KLHL14: variants seen among roughly 807,000 people sequenced by gnomAD.
KLHL14 encodes the protein kelch like family member 14.
KLHL14 carries 22 observed loss-of-function variants against 64.3 expected under a neutral mutation model. The ratio of observed to expected loss-of-function variants is 0.34; its 90% confidence interval spans 0.24 to 0.49. KLHL14 has a LOEUF of 0.49. Ranked by LOEUF, KLHL14 falls within the 20% of genes least tolerant of loss-of-function variation. The probability of loss-of-function intolerance (pLI) is 0.99; values close to 1 mark genes in which losing one functional copy is unlikely to be tolerated. For synonymous variants in KLHL14, 322 were observed against 333.4 expected, an observed-to-expected ratio of 0.97 and a Z score of 0.37; for missense variants, 661 against 789.0, an observed-to-expected ratio of 0.84 and a Z score of 1.94.
chr18:32,752,847 G>C (rs1231700338), intron 2 of KLHL14, among the ~76,000 whole-genome samples: 1 of 144,474 alleles, frequency 6.9e-6, no homozygotes, highest in East Asian at 2.0e-4. Context: ...GCAGTGGCGG[G>C]ATCTCGGCTC....
intron 1 of KLHL14, chr18:32,771,996 G>T (rs868085386): frequency 9.4e-5 from 20 of 211,788 alleles, no homozygotes; most frequent in South Asian, 7.2e-4. Flanking sequence ...AGGGCAGGGT[G>T]GGGGAGGCGA....
chr18:32,715,006 C>T (rs557450142), intron 3 of KLHL14, among the ~76,000 whole-genome samples: 2 of 151,998 alleles, frequency 1.3e-5, no homozygotes, highest in South Asian at 4.2e-4. Flanking sequence ...CTATTTCAAC[C>T]TTTCACAGCA....
At chr18:32,676,497 T>A (rs978754752) in intron 8 of KLHL14, among the ~76,000 whole-genome samples, 2 of 152,212 alleles carry the variant, frequency 1.3e-5, no homozygotes, top group African/African-American at 4.8e-5. Flanking sequence ...TATAAAGGAA[T>A]TATTGTTAAT....
intron 2 of KLHL14, among the ~76,000 whole-genome samples, chr18:32,754,017 C>T (rs1330583195): frequency 6.6e-6 from 1 of 152,222 alleles, no homozygotes; most frequent in Non-Finnish European, 1.5e-5. Flanking sequence ...ATGCAGGGTC[C>T]TGCTGCTCTC....
chr18:32,704,182 A>G (rs886378900), intron 3 of KLHL14, among the ~76,000 whole-genome samples: 2 of 152,216 alleles, frequency 1.3e-5, no homozygotes, highest in Non-Finnish European at 2.9e-5. Context: ...AGTCAGGGCT[A>G]TTTATAAGGT....
intron 3 of KLHL14, among the ~76,000 whole-genome samples, chr18:32,730,747 G>A (rs1298489469): frequency 6.6e-6 from 1 of 152,044 alleles, no homozygotes; most frequent in Non-Finnish European, 1.5e-5. Flanking sequence ...AGTGCTTTGC[G>A]GTTCTCAACA....
At chr18:32,741,032 T>C (rs538918898) in intron 3 of KLHL14, 3 of 152,326 alleles carry the variant, frequency 2.0e-5, no homozygotes, top group South Asian at 2.1e-4. Context: ...TTAAGACACA[T>C]GCAATAAGAA....
chr18:32,734,387 A>C (rs2050152629), intron 3 of KLHL14: 1 of 622,166 alleles, frequency 1.6e-6, no homozygotes, highest in African/African-American at 1.8e-5. Context: ...TCTGTGGAGC[A>C]GATGCCCTCT....
rs201993488 is a variant in KLHL14, at chr18:32,767,937, T to G, written c.947+1708A>C. Reference sequence around the variant, plus strand: ...CAGAACTATAACTGTGTTGTCTGAATTATTGACTATGTGTGATATATGCTA... The same window carrying G: ...CAGAACTATAACTGTGTTGTCTGAAGTATTGACTATGTGTGATATATGCTA... On this transcript the variant is annotated intron_variant, in intron 2 of 8. Coordinates refer to ENST00000359358, the MANE Select transcript of KLHL14 (RefSeq NM_020805.3). Among the ~76,000 whole-genome samples, 14 of 152,366 alleles carry G rather than the reference T, an allele frequency of 9.2e-5. No homozygotes were observed. In the East Asian group the frequency reaches 2.3e-3, roughly 25 times the overall value.
chr18:32,674,773 A>G lies in KLHL14; in HGVS notation c.1771T>C (p.Cys591Arg), dbSNP rs1208857946. The change falls in exon 9 of 9, where the codon TGC becomes CGC. Residue 591 changes from cysteine to arginine, a missense_variant. Cys to Arg is a radical substitution (Grantham distance 180). Coordinates refer to ENST00000359358, the MANE Select transcript of KLHL14 (RefSeq NM_020805.3). ...CAGGTTCCTTTCTCTGGACAATAGC[A>G]TATTGTAGATGACTTGTAGGCCCCC... Reference protein sequence around the residue: ...SMGAYKSSTICYCPEKGTWTE... With the variant: ...SMGAYKSSTIRYCPEKGTWTE... 3 of 780,762 alleles carry G rather than the reference A, an allele frequency of 3.8e-6. No individual in the cohort carries two copies. The highest frequency in any genetic ancestry group is 1.7e-5 in the African/African-American group (1 of 59,124). 48.4% of individuals were successfully genotyped at this position (780,762 alleles called of 1,614,324 possible).
intron 1 of KLHL14, among the ~76,000 whole-genome samples, chr18:32,771,518 C>T (rs1011773019): frequency 6.6e-6 from 1 of 152,202 alleles, no homozygotes; most frequent in Non-Finnish European, 1.5e-5. Context: ...CCGCCACCCC[C>T]ACCCGGTGGC....
intron 3 of KLHL14, among the ~76,000 whole-genome samples, chr18:32,720,379 G>A (rs551309813): frequency 1.2e-3 from 184 of 152,262 alleles, no homozygotes; most frequent in African/African-American, 4.3e-3. Context: ...GGAGAAAGAG[G>A]GGTCAGGGAT....
intron 4 of KLHL14, among the ~76,000 whole-genome samples, chr18:32,693,909 C>T (rs1318065984): frequency 1.3e-5 from 2 of 152,180 alleles, no homozygotes; most frequent in Admixed American, 1.3e-4. Context: ...GTTCCCCCCA[C>T]CCAATTCTCT....
intron 3 of KLHL14, among the ~76,000 whole-genome samples, chr18:32,722,618 C>A (rs558086143): frequency 6.6e-6 from 1 of 152,260 alleles, no homozygotes; most frequent in East Asian, 1.9e-4. Context: ...ATGAACACTA[C>A]CTTCAGCTGG....
intron 5 of KLHL14, among the ~76,000 whole-genome samples, chr18:32,684,379 G>A (rs1391308778): frequency 1.3e-5 from 2 of 152,108 alleles, no homozygotes; most frequent in Non-Finnish European, 2.9e-5. Context: ...TCTTTTGGAA[G>A]GGTTGCCTAG....
At chr18:32,690,063 C>T (rs561169485) in intron 4 of KLHL14, among the ~76,000 whole-genome samples, 1 of 152,096 alleles carries the variant, frequency 6.6e-6, no homozygotes, top group Admixed American at 6.5e-5. Flanking sequence ...TTAACCAGGA[C>T]TAGTATTGCC....
At chr18:32,690,596 G>A (rs1198445729) in intron 4 of KLHL14, among the ~76,000 whole-genome samples, 1 of 152,152 alleles carries the variant, frequency 6.6e-6, no homozygotes, top group East Asian at 1.9e-4. Flanking sequence ...GGGGATGGCG[G>A]TGGGCTCCTG....
chr18:32,685,455 G>A (rs1348136259), intron 5 of KLHL14, among the ~76,000 whole-genome samples: 1 of 152,068 alleles, frequency 6.6e-6, no homozygotes, highest in African/African-American at 2.4e-5. Flanking sequence ...TTTCAAACAT[G>A]TATTGATAGT....
chr18:32,723,864 TG>T (rs2050092277), intron 3 of KLHL14, among the ~76,000 whole-genome samples: 1 of 152,234 alleles, frequency 6.6e-6, no homozygotes, highest in Admixed American at 6.5e-5. Flanking sequence ...ATCTGTTTCC[TG>T]TTGGAACCCT....
Sources: allele counts gnomAD v4.1 joint callset (sites outside exome capture counted in the v4.1 genomes callset), GRCh38; gene constraint gnomAD v4.1.1; transcripts MANE v1.5; gene names NCBI Gene and HGNC (gene_info 2026-07-23, HGNC 2026-07-21).